Variants in MAGI2 observed in about 807,000 individuals in gnomAD.
MAGI2 encodes the protein membrane associated guanylate kinase, WW and PDZ domain containing 2, also known as membrane-associated guanylate kinase, WW and PDZ domain-containing protein 2.
Under a neutral mutation model 133.3 loss-of-function variants are expected in MAGI2, and 35 were observed. The ratio of observed to expected loss-of-function variants is 0.26; its 90% CI spans 0.20 to 0.35. The LOEUF is 0.35. Among genes scored for constraint, MAGI2 ranks in the 10% least tolerant of loss-of-function variants. The pLI, the probability that MAGI2 is intolerant of heterozygous loss-of-function variation, is 1.00. For missense variants in MAGI2, 1,636 were observed against 1,863.4 expected, an observed-to-expected ratio of 0.88 and a Z score of 2.25; for synonymous variants, 729 against 710.6, an observed-to-expected ratio of 1.03 and a Z score of -0.41.
chr7:78,080,608 C>T (rs535115693), intron 20 of MAGI2, among the ~76,000 whole-genome samples: 23 of 151,004 alleles, frequency 1.5e-4, no homozygotes, highest in African/African-American at 5.7e-4. Context: ...AATGAAGTTA[C>T]ATATAGAAAA....
intron 1 of MAGI2, among the ~76,000 whole-genome samples, chr7:79,162,510 T>C (rs2129547834): frequency 6.6e-6 from 1 of 152,132 alleles, no homozygotes; most frequent in Non-Finnish European, 1.5e-5. Flanking sequence ...GGTCAAACCC[T>C]GCAAATCAAG....
chr7:78,670,934 G>T (rs1174728723), intron 2 of MAGI2, among the ~76,000 whole-genome samples: 1 of 152,088 alleles, frequency 6.6e-6, no homozygotes, highest in Non-Finnish European at 1.5e-5. Context: ...ACTACTTAAA[G>T]TATCACATAA....
intron 1 of MAGI2, among the ~76,000 whole-genome samples, chr7:79,444,317 A>G (rs954902184): frequency 6.6e-6 from 1 of 152,204 alleles, no homozygotes; most frequent in Non-Finnish European, 1.5e-5. Flanking sequence ...TGGCCAGGGC[A>G]ATCAGGCAGG....
At chr7:79,408,062 G>C (rs1845924902) in intron 1 of MAGI2, among the ~76,000 whole-genome samples, 1 of 152,054 alleles carries the variant, frequency 6.6e-6, no homozygotes, top group Admixed American at 6.6e-5. Context: ...CTCTGAGATA[G>C]CTAATATTAT....
intron 21 of MAGI2, among the ~76,000 whole-genome samples, chr7:78,068,374 A>G (rs1262738873): frequency 6.6e-6 from 1 of 152,130 alleles, no homozygotes; most frequent in Non-Finnish European, 1.5e-5. Flanking sequence ...TCTGCAGCCC[A>G]GGGGTTGGGG....
chr7:79,086,213 C>T (rs1816474939), intron 1 of MAGI2, among the ~76,000 whole-genome samples: 1 of 151,794 alleles, frequency 6.6e-6, no homozygotes, highest in African/African-American at 2.4e-5. Flanking sequence ...ACAGACTGAA[C>T]TCCAAGTCAG....
chr7:78,362,200 G>A (rs907806157), intron 7 of MAGI2, among the ~76,000 whole-genome samples: 2 of 152,098 alleles, frequency 1.3e-5, no homozygotes, highest in African/African-American at 2.4e-5. Context: ...TACTCGGGAG[G>A]CTGTGGCACG....
chr7:78,258,067 GCAGA>G (rs1793166907), intron 9 of MAGI2, among the ~76,000 whole-genome samples: 1 of 152,196 alleles, frequency 6.6e-6, no homozygotes, highest in Admixed American at 6.5e-5. Context: ...GAGAGGCCAA[GCAGA>G]CATTTTCAGG....
chr7:78,223,394 A>G (rs1789029213), intron 10 of MAGI2, among the ~76,000 whole-genome samples: 2 of 152,218 alleles, frequency 1.3e-5, no homozygotes, highest in African/African-American at 4.8e-5. Context: ...TTTAAGAGTT[A>G]GCTTTGAGAT....
At chr7:79,111,108 AT>A (rs1347058052) in intron 1 of MAGI2, among the ~76,000 whole-genome samples, 1 of 152,216 alleles carries the variant, frequency 6.6e-6, no homozygotes, top group East Asian at 1.9e-4. Context: ...AATACCATGT[AT>A]TCTCTGATGT....
At chr7:78,044,501 A>G (rs948691534) in intron 21 of MAGI2, among the ~76,000 whole-genome samples, 1 of 152,180 alleles carries the variant, frequency 6.6e-6, no homozygotes, top group African/African-American at 2.4e-5. Flanking sequence ...GTTTTAGTAT[A>G]GCTTTTTGTT....
chr7:78,939,355 A>G (rs930536285), intron 2 of MAGI2, among the ~76,000 whole-genome samples: 1 of 152,136 alleles, frequency 6.6e-6, no homozygotes, highest in Admixed American at 6.6e-5. Context: ...GGCATTTGAG[A>G]TTGGCTTTGA....
At chr7:78,394,050 G>A (rs1796126981) in intron 6 of MAGI2, among the ~76,000 whole-genome samples, 1 of 152,180 alleles carries the variant, frequency 6.6e-6, no homozygotes, top group Admixed American at 6.5e-5. Flanking sequence ...CAGGTGAACT[G>A]ATGGTATAAC....
intron 2 of MAGI2, among the ~76,000 whole-genome samples, chr7:78,828,059 A>AT (rs1187934025): frequency 2.0e-5 from 3 of 152,034 alleles, no homozygotes; most frequent in South Asian, 4.1e-4. Context: ...TAATTTTTGT[A>AT]TTTTTAGTAG....
chr7:78,970,654 G>GGA (rs979264159), intron 2 of MAGI2, among the ~76,000 whole-genome samples: 3 of 152,014 alleles, frequency 2.0e-5, no homozygotes, highest in Non-Finnish European at 4.4e-5. Context: ...TTGGCAATCT[G>GGA]GAGAGAGAGG....
At position 79,017,491 on chromosome 7, in the gene MAGI2, C is replaced by T. The variant is rs184881914; in HGVS notation, c.302-10285G>A. Among the ~76,000 whole-genome samples, 258 of 152,308 alleles carry T rather than the reference C, an allele frequency of 1.7e-3. 1 individual carries two copies. Among genetic ancestry groups the T allele is most frequent in the African/African-American group, 5.9e-3 (247 of 41,568 alleles). ...ATCAGCCCACGAAGATGAGAAAGAA[C>T]CAGCACAAGAGCTCTGGCAGCTCAA... On this transcript the variant is annotated intron_variant, in intron 1 of 21. Transcript: ENST00000354212.
chr7:78,232,598 A>G (rs1172100774), intron 10 of MAGI2, among the ~76,000 whole-genome samples: 1 of 152,218 alleles, frequency 6.6e-6, no homozygotes, highest in Non-Finnish European at 1.5e-5. Context: ...TCCAGTCCAG[A>G]AAGCACAATG....
At chr7:78,090,911 C>A (rs1275493062) in intron 20 of MAGI2, among the ~76,000 whole-genome samples, 1 of 152,186 alleles carries the variant, frequency 6.6e-6, no homozygotes, top group Non-Finnish European at 1.5e-5. Context: ...GTGAGAAGCA[C>A]TGGGAAATAC....
At chr7:78,287,125 G>A (rs1796223634) in intron 9 of MAGI2, among the ~76,000 whole-genome samples, 3 of 152,118 alleles carry the variant, frequency 2.0e-5, no homozygotes, top group Non-Finnish European at 4.4e-5. Context: ...AGATAATTCT[G>A]GAGGTAAAGT....
Sources: gnomAD v4.1 joint callset for allele counts (sites outside exome capture counted in the v4.1 genomes callset) on GRCh38, gnomAD v4.1.1 for gene constraint, MANE v1.5 for transcripts, NCBI Gene and HGNC (gene_info 2026-07-23, HGNC 2026-07-21) for gene names.